Variants in SNAP91 observed in about 807,000 individuals in gnomAD.
SNAP91 encodes the protein clathrin coat assembly protein AP180.
In SNAP91, 27 loss-of-function variants were observed where a neutral mutation model predicts 100.3. The ratio of observed to expected loss-of-function variants is 0.27; its 90% CI spans 0.20 to 0.37. SNAP91 has a LOEUF of 0.37. Ranked by LOEUF, SNAP91 falls within the 10% of genes least tolerant of loss-of-function variation. The pLI, the probability that SNAP91 is intolerant of heterozygous loss-of-function variation, is 1.00. For synonymous variants in SNAP91, 404 were observed against 398.6 expected, an observed-to-expected ratio of 1.01 and a Z score of -0.16; for missense variants, 986 against 1,123.7, an observed-to-expected ratio of 0.88 and a Z score of 1.75.
chr6:83,674,290 C>G (rs998929628), intron 2 of SNAP91, among the ~76,000 whole-genome samples: 2 of 151,966 alleles, frequency 1.3e-5, no homozygotes, highest in Admixed American at 6.6e-5. Context: ...AAAAGTTAGC[C>G]AGGCACAGTG....
Position 83,593,520 on chromosome 6 carries a change from C to T in SNAP91, c.1654G>A (p.Ala552Thr). The T allele has an allele frequency of 1.3e-6, 2 of 1,552,554 alleles. No individual in the cohort carries two copies. The highest frequency in any genetic ancestry group is 8.7e-7 in the Non-Finnish European group (1 of 1,147,534). Residue 552 changes from alanine (A) to threonine (T), a missense_variant, in exon 18 of 30, where the codon GCC becomes ACC. By Grantham distance (58) the Ala-to-Thr change is moderately conservative. Transcript: ENST00000369694. Reference sequence around the variant, plus strand: ...GCAGGAGGAGCAGTGGTGGCGGTGGCAGCGGAGGTGGTGGTAGTGGTGGTG... The same window carrying T: ...GCAGGAGGAGCAGTGGTGGCGGTGGTAGCGGAGGTGGTGGTAGTGGTGGTG... ...AATTTTTTSA[A>T]TATTAPPALD... is the part of the protein sequence containing the mutation.
intron 2 of SNAP91, among the ~76,000 whole-genome samples, chr6:83,680,016 T>A (rs965918904): frequency 1.3e-5 from 2 of 152,134 alleles, no homozygotes; most frequent in Admixed American, 1.3e-4. Context: ...CAGCTCTTTA[T>A]AAGGACACCT....
chr6:83,599,948 C>G (rs939413604), intron 16 of SNAP91, among the ~76,000 whole-genome samples: 8 of 152,082 alleles, frequency 5.3e-5, no homozygotes, highest in Non-Finnish European at 1.2e-4. Context: ...CCACAACTGG[C>G]TAGCTTTTAA....
intron 8 of SNAP91, among the ~76,000 whole-genome samples, chr6:83,639,276 G>T (rs9449672): frequency 0.043 from 6,517 of 152,136 alleles, 458 homozygotes; most frequent in African/African-American, 0.14. Context: ...TTGTACATTG[G>T]TTGAAAAATT....
chr6:83,688,299 AAAGTAAT>A (rs2099087413), intron 2 of SNAP91, among the ~76,000 whole-genome samples: 1 of 152,164 alleles, frequency 6.6e-6, no homozygotes. Context: ...GTAAAACATA[AAAGTAAT>A]AATGGAACTC....
intron 8 of SNAP91, among the ~76,000 whole-genome samples, chr6:83,629,045 G>A (rs903216240): frequency 2.6e-5 from 4 of 152,118 alleles, no homozygotes; most frequent in Admixed American, 1.3e-4. Context: ...TTTGAATAAG[G>A]TGAGAGGTGA....
chr6:83,575,986 C>A (rs1237491707), intron 25 of SNAP91, 37 bp downstream of exon 25: 3 of 1,213,444 alleles, frequency 2.5e-6, no homozygotes, highest in Admixed American at 5.0e-5. Flanking sequence ...TACAAATATA[C>A]CATCAAAAGG....
At chr6:83,554,838 C>T (rs1775350264) in intron 29 of SNAP91, among the ~76,000 whole-genome samples, 1 of 152,132 alleles carries the variant, frequency 6.6e-6, no homozygotes. Context: ...CTGCTGGAAA[C>T]ATTTGTGGGG....
At chr6:83,668,263 A>T (rs2098722491) in intron 2 of SNAP91, among the ~76,000 whole-genome samples, 3 of 152,272 alleles carry the variant, frequency 2.0e-5, no homozygotes, top group African/African-American at 7.2e-5. Flanking sequence ...ATTGTGGAAG[A>T]CAGTGTGGCA....
chr6:83,629,086 AG>A (rs1227474570), intron 8 of SNAP91, among the ~76,000 whole-genome samples: 1 of 151,948 alleles, frequency 6.6e-6, no homozygotes, highest in Non-Finnish European at 1.5e-5. Context: ...ACATGTAGCT[AG>A]TCAATTATCC....
chr6:83,628,056 C>A (rs2097029257), intron 8 of SNAP91, among the ~76,000 whole-genome samples: 1 of 151,540 alleles, frequency 6.6e-6, no homozygotes, highest in Non-Finnish European at 1.5e-5. Flanking sequence ...CATTCTTATG[C>A]CTTTGCATCC....
chr6:83,677,026 A>G (rs1159109258), intron 2 of SNAP91, among the ~76,000 whole-genome samples: 1 of 152,134 alleles, frequency 6.6e-6, no homozygotes, highest in Non-Finnish European at 1.5e-5. Flanking sequence ...TGGACAAAAT[A>G]CCTCTTGTAC....
At chr6:83,698,322 A>C (rs921109978) in intron 2 of SNAP91, among the ~76,000 whole-genome samples, 1 of 131,360 alleles carries the variant, frequency 7.6e-6, no homozygotes, top group African/African-American at 2.8e-5. Context: ...GCAATCTCCA[A>C]GGCCAAAAAA....
At chr6:83,601,087 T>C (rs1242037295) in intron 16 of SNAP91, among the ~76,000 whole-genome samples, 184 bp downstream of exon 16, 1 of 152,226 alleles carries the variant, frequency 6.6e-6, no homozygotes, top group Non-Finnish European at 1.5e-5. Flanking sequence ...GCTATAAAAT[T>C]ACTAAAATTA....
intron 23 of SNAP91, among the ~76,000 whole-genome samples, chr6:83,581,106 C>G (rs1827755987): frequency 6.6e-6 from 1 of 152,114 alleles, no homozygotes; most frequent in African/African-American, 2.4e-5. Context: ...ATGGTGAAAT[C>G]TAAATAATTT....
chr6:83,658,250 T>C (rs887943128), intron 6 of SNAP91, among the ~76,000 whole-genome samples: 2 of 152,106 alleles, frequency 1.3e-5, no homozygotes, highest in Admixed American at 6.5e-5. Context: ...AATGAAACAA[T>C]TCACTAATTT....
At chr6:83,611,207 C>T (rs964911651) in intron 11 of SNAP91, among the ~76,000 whole-genome samples, 1 of 151,990 alleles carries the variant, frequency 6.6e-6, no homozygotes, top group Non-Finnish European at 1.5e-5. Flanking sequence ...TCTGTTTTCC[C>T]CCCCCATGGC....
intron 2 of SNAP91, among the ~76,000 whole-genome samples, chr6:83,697,585 C>T (rs374893289): frequency 4.7e-4 from 71 of 151,986 alleles, no homozygotes; most frequent in Non-Finnish European, 8.5e-4. Flanking sequence ...AAATCGTTGT[C>T]AGATCATGGT....
rs769490273 is a variant in SNAP91 at position 83,592,575 on chromosome 6, C to T, written c.1847-37G>A. 3 of 1,534,290 alleles carry T rather than the reference C, an allele frequency of 2.0e-6. No homozygotes were observed. The African/African-American group carries it at 4.1e-5, about 21-fold the overall frequency. ...CACAGACAGGAAAAAGTGCATGTCA[C>T]CCAAGGGAAAAGAAAACCATGAGCC... On this transcript the variant is annotated intron_variant, in intron 20 of 29. Transcript: ENST00000369694.
Sources: gnomAD v4.1 joint callset for allele counts (sites outside exome capture counted in the v4.1 genomes callset) on GRCh38, gnomAD v4.1.1 for gene constraint, MANE v1.5 for transcripts, NCBI Gene and HGNC (gene_info 2026-07-23, HGNC 2026-07-21) for gene names.